Variants in NREP observed in about 807,000 individuals in gnomAD.
NREP encodes neuronal regeneration-related protein.
Under a neutral mutation model 8.6 loss-of-function variants are expected in NREP, and 5 were observed. The ratio of observed to expected loss-of-function variants is 0.58; its 90% CI spans 0.30 to 1.22. The LOEUF (loss-of-function observed/expected upper bound fraction) is 1.22. Ranked by LOEUF, NREP falls within the 50% of genes most tolerant of loss-of-function variation. NREP has a pLI of 0.07. For synonymous variants in NREP, 27 were observed against 28.0 expected, an observed-to-expected ratio of 0.96 and a Z score of 0.11; for missense variants, 86 against 82.5, an observed-to-expected ratio of 1.04 and a Z score of -0.17.
intron 2 of NREP, among the ~76,000 whole-genome samples, chr5:111,803,981 C>T (rs1752077014): frequency 6.6e-6 from 1 of 152,056 alleles, no homozygotes; most frequent in Non-Finnish European, 1.5e-5. Context: ...TAATGCAACC[C>T]CAATACAACT....
chr5:111,969,478 C>A (rs1756740906), intron 2 of NREP: 1 of 152,182 alleles, frequency 6.6e-6, no homozygotes, highest in East Asian at 1.9e-4. Flanking sequence ...ATACAGTAGC[C>A]ATAATAAAGA....
At chr5:111,787,585 T>G (rs971642631) in intron 2 of NREP, among the ~76,000 whole-genome samples, 2 of 151,676 alleles carry the variant, frequency 1.3e-5, no homozygotes, top group Non-Finnish European at 2.9e-5. Context: ...AAACAAGTAT[T>G]GGAGAAAGAA....
chr5:111,895,773 A>T (rs1310344709), intron 2 of NREP, among the ~76,000 whole-genome samples: 2 of 152,130 alleles, frequency 1.3e-5, no homozygotes, highest in Non-Finnish European at 2.9e-5. Context: ...CAGTCATGAC[A>T]ACAAAAAATA....
chr5:111,766,654 C>G lies in NREP; in HGVS notation c.136-31147G>C, dbSNP rs150949159. Among the ~76,000 whole-genome samples the G allele has an allele frequency of 1.3e-3, 191 of 152,296 alleles. 3 individuals are homozygous for G. In the East Asian group the frequency reaches 0.031, roughly 25 times the overall value. On this transcript the variant is annotated intron_variant, in intron 2 of 3. Coordinates refer to the NREP transcript ENST00000395634. ...CCTTTGTCAACTAGGCCATCCTAAC[C>G]CTCTGTCTCTTCCCTCTTTCTCCTG...
chr5:111,803,704 C>A (rs1040821640), intron 2 of NREP, among the ~76,000 whole-genome samples: 4 of 152,098 alleles, frequency 2.6e-5, no homozygotes, highest in Admixed American at 1.3e-4. Context: ...CTAAAATATT[C>A]TCTTAGTTAT....
chr5:111,871,357 T>C (rs1296048871), intron 2 of NREP, among the ~76,000 whole-genome samples: 3 of 152,126 alleles, frequency 2.0e-5, no homozygotes, highest in African/African-American at 7.2e-5. Flanking sequence ...TAAAAAATTG[T>C]ATACTTGTAC....
chr5:111,809,825 T>C (rs1442564136), intron 2 of NREP, among the ~76,000 whole-genome samples: 1 of 152,080 alleles, frequency 6.6e-6, no homozygotes, highest in Non-Finnish European at 1.5e-5. Flanking sequence ...AAAGTTACTA[T>C]GTTGATACAT....
intron 2 of NREP, among the ~76,000 whole-genome samples, chr5:111,930,137 C>G (rs1453720895): frequency 6.6e-6 from 1 of 152,142 alleles, no homozygotes; most frequent in East Asian, 1.9e-4. Flanking sequence ...AGGCCTATGG[C>G]CCTCAATTGC....
chr5:111,851,490 AGAGAGAGAG>A (rs1753308910), intron 2 of NREP, among the ~76,000 whole-genome samples: 1 of 152,068 alleles, frequency 6.6e-6, no homozygotes, highest in Non-Finnish European at 1.5e-5. Flanking sequence ...AGAGAGAAAG[AGAGAGAGAG>A]ACAGACTGAC....
At chr5:111,741,828 C>CACAGACACACAG (rs143548812) in intron 2 of NREP, among the ~76,000 whole-genome samples, 2 of 146,540 alleles carry the variant, frequency 1.4e-5, no homozygotes, top group South Asian at 4.3e-4. Context: ...CACACATACA[C>CACAGACACACAG]ACACACACAC....
chr5:111,841,726 G>T (rs1009465883), intron 2 of NREP, among the ~76,000 whole-genome samples: 2 of 152,066 alleles, frequency 1.3e-5, no homozygotes, highest in Non-Finnish European at 2.9e-5. Flanking sequence ...TTTTCTTAGT[G>T]GGAGGCCTTA....
At chr5:111,885,445 T>A (rs1754215659) in intron 2 of NREP, among the ~76,000 whole-genome samples, 1 of 151,840 alleles carries the variant, frequency 6.6e-6, no homozygotes. Context: ...AAGCTACCAA[T>A]GACTTTCTTC....
intron 2 of NREP, among the ~76,000 whole-genome samples, chr5:111,947,945 C>CTA (rs1756038036): frequency 6.6e-6 from 1 of 152,078 alleles, no homozygotes; most frequent in Admixed American, 6.6e-5. Flanking sequence ...AGTTCACACG[C>CTA]TATATTCTAC....
At chr5:111,898,972 C>G (rs1174979545) in intron 2 of NREP, among the ~76,000 whole-genome samples, 2 of 151,820 alleles carry the variant, frequency 1.3e-5, no homozygotes, top group African/African-American at 4.8e-5. Context: ...AAATGTCAGC[C>G]AAGAACACTA....
intron 2 of NREP, among the ~76,000 whole-genome samples, chr5:111,881,680 C>T (rs1251897336): frequency 6.6e-6 from 1 of 152,138 alleles, no homozygotes; most frequent in Non-Finnish European, 1.5e-5. Flanking sequence ...CATGAAAATC[C>T]ACTGTTCTGC....
At chr5:111,841,530 G>C (rs1380406221) in intron 2 of NREP, among the ~76,000 whole-genome samples, 4 of 152,172 alleles carry the variant, frequency 2.6e-5, no homozygotes, top group African/African-American at 9.6e-5. Context: ...GATACACTGT[G>C]ATACGGTTGT....
At chr5:111,874,820 A>G (rs571434220) in intron 2 of NREP, among the ~76,000 whole-genome samples, 2 of 152,228 alleles carry the variant, frequency 1.3e-5, no homozygotes, top group South Asian at 4.1e-4. Context: ...TATACTCCCC[A>G]TTGTAAAGTG....
In NREP at chr5:111,810,673, A is replaced by G. The variant is rs75614432; in HGVS notation, c.136-75166T>C. ...ATAGAACCACAATACAGCTTCTTGT[A>G]TCATGTAGTTTCTGGAACCCAAATT... On this transcript the variant is annotated intron_variant, in intron 2 of 3. Coordinates refer to the NREP transcript ENST00000395634. Among the ~76,000 whole-genome samples, 33 of 152,322 alleles carry G rather than the reference A, an allele frequency of 2.2e-4. No individual in the cohort carries two copies. In the East Asian group the frequency reaches 5.6e-3, roughly 26 times the overall value.
chr5:111,898,445 G>A (rs765506314), intron 2 of NREP, among the ~76,000 whole-genome samples: 3 of 152,148 alleles, frequency 2.0e-5, no homozygotes, highest in African/African-American at 7.2e-5. Flanking sequence ...AACTGAGACG[G>A]GGAAACGTAA....
Sources: allele counts gnomAD v4.1 joint callset (sites outside exome capture counted in the v4.1 genomes callset), GRCh38; gene constraint gnomAD v4.1.1; transcripts MANE v1.5; gene names NCBI Gene and HGNC (gene_info 2026-07-23, HGNC 2026-07-21).